MYT1L: variants seen among roughly 807,000 people sequenced by gnomAD.
MYT1L encodes myelin transcription factor 1-like protein.
In MYT1L, 12 loss-of-function variants were observed where a neutral mutation model predicts 126.7. The ratio of observed to expected loss-of-function variants is 0.09; its 90% CI spans 0.06 to 0.15. The LOEUF (loss-of-function observed/expected upper bound fraction) is 0.15, where lower values mean the gene tolerates loss of function less well. Ranked by LOEUF, MYT1L falls within the 10% of genes least tolerant of loss-of-function variation. The pLI is 1.00. For missense variants in MYT1L, 979 were observed against 1,585.2 expected, an observed-to-expected ratio of 0.62 and a Z score of 6.49; for synonymous variants, 541 against 604.2, an observed-to-expected ratio of 0.90 and a Z score of 1.53.
At chr2:1,849,835 G>A (rs1005800726) in intron 19 of MYT1L, among the ~76,000 whole-genome samples, 1 of 152,226 alleles carries the variant, frequency 6.6e-6, no homozygotes, top group Non-Finnish European at 1.5e-5. Context: ...TGGGATGTGA[G>A]CACAGGAGCG....
At chr2:2,315,184 C>A (rs145267092) in intron 1 of MYT1L, among the ~76,000 whole-genome samples, 47 of 152,190 alleles carry the variant, frequency 3.1e-4, no homozygotes, top group African/African-American at 1.1e-3. Context: ...ATATTATAAC[C>A]TTTTCTCTGG....
intron 21 of MYT1L, among the ~76,000 whole-genome samples, chr2:1,837,644 C>T (rs1190863940): frequency 1.3e-5 from 2 of 152,014 alleles, no homozygotes; most frequent in Non-Finnish European, 2.9e-5. Context: ...GGAACAGGCT[C>T]AATGGGGAGG....
intron 18 of MYT1L, among the ~76,000 whole-genome samples, chr2:1,868,803 C>T (rs994527513): frequency 9.2e-5 from 14 of 152,184 alleles, no homozygotes; most frequent in African/African-American, 3.4e-4. Flanking sequence ...CTGGTTCTAC[C>T]GTGTGCAGGA....
intron 18 of MYT1L, among the ~76,000 whole-genome samples, chr2:1,858,978 T>C (rs1277026620): frequency 1.3e-5 from 2 of 152,186 alleles, no homozygotes; most frequent in Non-Finnish European, 2.9e-5. Flanking sequence ...GCGGCATGCC[T>C]GCTACTTGGA....
intron 3 of MYT1L, among the ~76,000 whole-genome samples, chr2:2,136,324 T>C (rs1451081804): frequency 6.6e-6 from 1 of 152,206 alleles, no homozygotes; most frequent in African/African-American, 2.4e-5. Flanking sequence ...GTTAATATGT[T>C]ACCAAGGAGC....
intron 5 of MYT1L, among the ~76,000 whole-genome samples, chr2:1,994,081 T>C (rs1041644081): frequency 6.6e-6 from 1 of 152,254 alleles, no homozygotes. Context: ...TTTTTCTATT[T>C]TGCTCATGGT....
intron 3 of MYT1L, among the ~76,000 whole-genome samples, chr2:2,082,263 G>T (rs1262234945): frequency 6.6e-6 from 1 of 152,196 alleles, no homozygotes; most frequent in Non-Finnish European, 1.5e-5. Flanking sequence ...GTACTGGCTT[G>T]GTTCAGTTGC....
At chr2:1,996,549 G>A (rs1264225511) in intron 5 of MYT1L, among the ~76,000 whole-genome samples, 3 of 146,102 alleles carry the variant, frequency 2.1e-5, no homozygotes, top group Non-Finnish European at 4.5e-5. Context: ...AGTGTGGGCT[G>A]CACAGAACCG....
At chr2:1,993,436 G>C (rs1304144101) in intron 5 of MYT1L, among the ~76,000 whole-genome samples, 1 of 151,868 alleles carries the variant, frequency 6.6e-6, no homozygotes, top group East Asian at 1.9e-4. Context: ...ACAAAATCAG[G>C]CTCTGTTTAC....
chr2:2,156,765 C>A (rs949874277), intron 3 of MYT1L, among the ~76,000 whole-genome samples: 1 of 152,180 alleles, frequency 6.6e-6, no homozygotes, highest in Non-Finnish European at 1.5e-5. Flanking sequence ...CACCTGACAT[C>A]ACAAGAGGGT....
chr2:1,913,442 C>T (rs950243451), intron 11 of MYT1L, among the ~76,000 whole-genome samples: 1 of 152,096 alleles, frequency 6.6e-6, no homozygotes, highest in African/African-American at 2.4e-5. Flanking sequence ...AAGCACAGTT[C>T]CCTGCCCCCT....
In MYT1L at chr2:1,979,793, C is replaced by T; in HGVS notation, c.1-16G>A. ...CCACCTCCATCTGGGGATAGATTAG[C>T]AGCCATCAATGTGCTTATCCTGCCT... On this transcript the variant is annotated splice_polypyrimidine_tract_variant and intron_variant, in intron 5 of 24. Coordinates refer to ENST00000647738, the MANE Select transcript of MYT1L (RefSeq NM_001303052.2). The surrounding 1 kb of genome is among the most constrained non-coding windows in gnomAD (Gnocchi z 4.0). 1 of 1,613,796 alleles carries T rather than the reference C, an allele frequency of 6.2e-7. No individual in the cohort carries two copies. Among genetic ancestry groups the T allele is most frequent in the African/African-American group, 1.3e-5 (1 of 75,044 alleles).
At chr2:1,873,205 A>T (rs2046469841) in intron 18 of MYT1L, among the ~76,000 whole-genome samples, 1 of 152,234 alleles carries the variant, frequency 6.6e-6, no homozygotes, top group Admixed American at 6.5e-5. Context: ...AATGCAATTT[A>T]AATATTCAGA....
rs2036549682 is a variant in MYT1L at position 1,811,063 on chromosome 2, T to C, written c.3081-1896A>G. ...GACAGCTCCTTAACCCCTTCTCCCA[T>C]GTGAGGACAGAGTGAGAAGGCGTCG... On this transcript the variant is annotated intron_variant, in intron 21 of 24. Coordinates refer to ENST00000647738, the MANE Select transcript of MYT1L (RefSeq NM_001303052.2). The surrounding 1 kb of genome is among the most constrained non-coding windows in gnomAD (Gnocchi z 4.4). The C allele has an allele frequency of 6.6e-6, 1 of 152,074 alleles. No homozygotes were observed. The highest frequency in any genetic ancestry group is 6.5e-5 in the Admixed American group (1 of 15,278). The allele number at this position is 152,074 out of a possible 1,614,324, so 9.4% of individuals were successfully genotyped here.
chr2:2,000,768 TC>T (rs2062289442), intron 4 of MYT1L, among the ~76,000 whole-genome samples: 1 of 152,194 alleles, frequency 6.6e-6, no homozygotes, highest in Non-Finnish European at 1.5e-5. Flanking sequence ...ACGTAAGGGT[TC>T]TAAGGCCCTG....
intron 4 of MYT1L, among the ~76,000 whole-genome samples, chr2:2,010,902 G>C (rs1186151026): frequency 6.6e-6 from 1 of 152,142 alleles, no homozygotes. Context: ...GGGGTGCCGG[G>C]GCTAGTCAAA....
intron 8 of MYT1L, among the ~76,000 whole-genome samples, chr2:1,956,182 T>G (rs993866747): frequency 4.2e-5 from 6 of 142,412 alleles, no homozygotes; most frequent in African/African-American, 1.5e-4. Flanking sequence ...CCTGTTCATT[T>G]ACCTAGCTGT....
At chr2:2,118,084 T>C (rs2080464161) in intron 3 of MYT1L, among the ~76,000 whole-genome samples, 1 of 149,590 alleles carries the variant, frequency 6.7e-6, no homozygotes. Flanking sequence ...ATAACATTTT[T>C]ATATTATTGA....
intron 4 of MYT1L, among the ~76,000 whole-genome samples, chr2:2,026,485 G>A (rs1483440592): frequency 6.6e-6 from 1 of 152,226 alleles, no homozygotes. Context: ...ACAGAAAGCT[G>A]TCTCTCAGCT....
Sources: allele counts gnomAD v4.1 joint callset (sites outside exome capture counted in the v4.1 genomes callset), GRCh38; gene constraint gnomAD v4.1.1; non-coding constraint Gnocchi (gnomAD v3.1); transcripts MANE v1.5; gene names NCBI Gene and HGNC (gene_info 2026-07-23, HGNC 2026-07-21).